The following GRIK1 variants were observed in gnomAD, a reference collection of about 807,000 sequenced individuals.
GRIK1 encodes glutamate ionotropic receptor kainate type subunit 1.
Under a neutral mutation model 105.7 loss-of-function variants are expected in GRIK1, and 69 were observed. The observed-to-expected ratio is 0.65, with a 90% CI of 0.54 to 0.80. The LOEUF is 0.80. Among genes scored for constraint, GRIK1 ranks in the 30% least tolerant of loss-of-function variants. The pLI is 0.00. For synonymous variants in GRIK1, 438 were observed against 431.3 expected (o/e 1.02, Z -0.19); for missense variants, 1,109 against 1,167.3 (o/e 0.95, Z 0.73).
intron 1 of GRIK1, among the ~76,000 whole-genome samples, chr21:29,882,376 A>T (rs1358774124): frequency 6.6e-6 from 1 of 152,144 alleles, no homozygotes; most frequent in African/African-American, 2.4e-5. Context: ...TCTATTGCCT[A>T]TTTCCTTCTG....
At chr21:29,626,688 A>C (rs952933539) in intron 7 of GRIK1, among the ~76,000 whole-genome samples, 2 of 152,130 alleles carry the variant, frequency 1.3e-5, no homozygotes, top group African/African-American at 4.8e-5. Context: ...TCCAGTCATA[A>C]TTTTACTGGT....
At chr21:29,647,478 G>A (rs2062643376) in intron 6 of GRIK1, among the ~76,000 whole-genome samples, 2 of 152,206 alleles carry the variant, frequency 1.3e-5, no homozygotes. Context: ...CGTCTTCCCT[G>A]TGGGTCATGA....
intron 1 of GRIK1, chr21:29,748,308 C>A (rs1264875286): frequency 6.6e-6 from 1 of 152,196 alleles, no homozygotes; most frequent in African/African-American, 2.4e-5. Context: ...GAGGTAGGAT[C>A]ACAGGGGTGA....
intron 1 of GRIK1, among the ~76,000 whole-genome samples, chr21:29,783,826 T>C (rs1320450028): frequency 6.6e-6 from 1 of 152,238 alleles, no homozygotes; most frequent in African/African-American, 2.4e-5. Flanking sequence ...AACAATCACA[T>C]GACTCAAAAT....
intron 2 of GRIK1, among the ~76,000 whole-genome samples, chr21:29,692,979 T>C (rs2063614112): frequency 6.6e-6 from 1 of 152,244 alleles, no homozygotes; most frequent in Non-Finnish European, 1.5e-5. Context: ...ACACAACCTA[T>C]GATCTAACTA....
chr21:29,567,262 G>C (rs1415515813), intron 14 of GRIK1, among the ~76,000 whole-genome samples: 2 of 152,038 alleles, frequency 1.3e-5, no homozygotes, highest in African/African-American at 4.8e-5. Context: ...CAAATTCTAG[G>C]GTGTAGTGTG....
At chr21:29,821,092 T>C (rs1006857969) in intron 1 of GRIK1, among the ~76,000 whole-genome samples, 1 of 151,982 alleles carries the variant, frequency 6.6e-6, no homozygotes, top group African/African-American at 2.4e-5. Context: ...AACTGTTCAT[T>C]TCCCCAAAAC....
intron 1 of GRIK1, among the ~76,000 whole-genome samples, chr21:29,909,525 C>T (rs2070745777): frequency 6.6e-6 from 1 of 151,840 alleles, no homozygotes; most frequent in Non-Finnish European, 1.5e-5. Context: ...AATAAGGCAA[C>T]TCTATACTCA....
rs559207924 is a variant in GRIK1 at position 29,629,691 on chromosome 21, G to A, written c.1098+13135C>T. ...TTTTCAGTAGAGACAGGGTTTCACC[G>A]TGTTAGCCAGGATGGTCTCGATCTC... On this transcript the variant is annotated intron_variant, in intron 7 of 17. Transcript: ENST00000327783. Among the ~76,000 whole-genome samples, 5 of 152,106 alleles carry A rather than the reference G, an allele frequency of 3.3e-5. No homozygotes were observed. The South Asian group carries it at 6.2e-4, about 19-fold the overall frequency.
rs78964658 is a variant in GRIK1, at chr21:29,544,419, C to T, written c.2608-6535G>A. On this transcript the variant is annotated intron_variant, in intron 16 of 17. Transcript: ENST00000327783. ...CCTCCGCTAACGTTAGGGATAATGT[C>T]ATGGAAAACTTTGAAAAGTGGAGTT... 3.8e-3 allele frequency among the ~76,000 whole-genome samples: 583 copies of T among 152,260 alleles called. 2 individuals are homozygous for T. Among genetic ancestry groups the T allele is most frequent in the African/African-American group, 0.013 (561 of 41,560 alleles).
intron 1 of GRIK1, among the ~76,000 whole-genome samples, chr21:29,736,826 C>T (rs962401390): frequency 1.3e-5 from 2 of 151,746 alleles, no homozygotes; most frequent in African/African-American, 2.4e-5. Context: ...TACAGGCGCC[C>T]ACCACCATGG....
chr21:29,849,385 C>T (rs2068235094), intron 1 of GRIK1, among the ~76,000 whole-genome samples: 1 of 152,104 alleles, frequency 6.6e-6, no homozygotes, highest in African/African-American at 2.4e-5. Flanking sequence ...TAATAGCTTC[C>T]AAGGTTGATG....
At chr21:29,560,384 CCTTCCTTCCTTCCTTCCTTTCTTTCTTT>C (rs2090402856) in intron 15 of GRIK1, among the ~76,000 whole-genome samples, 1 of 51,042 alleles carries the variant, frequency 2.0e-5, no homozygotes, top group African/African-American at 1.0e-4. Flanking sequence ...TTCCTTCCTT[CCTTCCTTCCTTCCTTCCTTTCTTTCTTT>C]CTTTCTTTCT....
intron 1 of GRIK1, among the ~76,000 whole-genome samples, chr21:29,908,509 T>G (rs1371946635): frequency 3.9e-5 from 6 of 152,110 alleles, no homozygotes; most frequent in Non-Finnish European, 7.4e-5. Context: ...AGTTTTCTAC[T>G]CACTCCTTCC....
intron 1 of GRIK1, among the ~76,000 whole-genome samples, chr21:29,863,621 C>A (rs1382268001): frequency 6.6e-6 from 1 of 152,108 alleles, no homozygotes; most frequent in Non-Finnish European, 1.5e-5. Context: ...ACTTAGAAAC[C>A]ACGGACCTGC....
At chr21:29,558,240 A>G (rs909414231) in intron 15 of GRIK1, among the ~76,000 whole-genome samples, 1 of 152,134 alleles carries the variant, frequency 6.6e-6, no homozygotes, top group Non-Finnish European at 1.5e-5. Context: ...GGGCAAGACT[A>G]GAAGTGTACA....
intron 14 of GRIK1, among the ~76,000 whole-genome samples, chr21:29,563,652 C>T (rs1195346555): frequency 6.6e-6 from 1 of 152,148 alleles, no homozygotes; most frequent in Non-Finnish European, 1.5e-5. Flanking sequence ...CATACAAGCG[C>T]AGAAAGGTCA....
chr21:29,831,397 C>G (rs998359259), intron 1 of GRIK1, among the ~76,000 whole-genome samples: 2 of 152,118 alleles, frequency 1.3e-5, no homozygotes, highest in Non-Finnish European at 2.9e-5. Context: ...TCTATCTACC[C>G]CCTGTATTCG....
Position 29,581,519 on chromosome 21 carries a change from G to T in GRIK1, c.1818C>A (p.Asn606Lys), listed in dbSNP as rs373734492. Reference sequence around the variant, plus strand: ...CTGAGTCAGGGTTGCATGGGTGGGGGTTATACCACTCGTAGGGTGTAAACC... The same window carrying T: ...CTGAGTCAGGGTTGCATGGGTGGGGTTTATACCACTCGTAGGGTGTAAACC... ...IARFTPYEWY[N>K]PHPCNPDSDV... The change falls in exon 13 of 18, where the codon AAC becomes AAA. Residue 606 changes from asparagine (N) to lysine (K), a missense_variant. Transcript: ENST00000327783. The T allele has an allele frequency of 8.1e-6, 13 of 1,604,744 alleles. No individual in the cohort carries two copies. The highest frequency in any genetic ancestry group is 6.7e-5 in the African/African-American group (5 of 74,718).
Sources: gnomAD v4.1 joint callset for allele counts (sites outside exome capture counted in the v4.1 genomes callset) on GRCh38, gnomAD v4.1.1 for gene constraint, MANE v1.5 for transcripts, NCBI Gene and HGNC (gene_info 2026-07-23, HGNC 2026-07-21) for gene names.